The following GRM5 variants were observed in gnomAD, a reference collection of about 807,000 sequenced individuals.
The protein encoded by GRM5 is glutamate metabotropic receptor 5.
Under a neutral mutation model 83.1 loss-of-function variants are expected in GRM5, and 19 were observed. That is an observed-to-expected ratio of 0.23 (90% confidence interval 0.16 to 0.34). The LOEUF (loss-of-function observed/expected upper bound fraction) is 0.34. Ranked by LOEUF, GRM5 falls within the 10% of genes least tolerant of loss-of-function variation. The pLI is 1.00. For missense variants in GRM5, 1,160 were observed against 1,588.3 expected (o/e 0.73, Z 4.58); for synonymous variants, 675 against 633.6 (o/e 1.07, Z -0.98).
At chr11:88,732,954 C>T (rs1427828874) in intron 3 of GRM5, among the ~76,000 whole-genome samples, 1 of 151,988 alleles carries the variant, frequency 6.6e-6, no homozygotes, top group Non-Finnish European at 1.5e-5. Context: ...ATGATTTCTT[C>T]AGTGCATTTT....
chr11:88,938,877 T>C (rs899673847), intron 2 of GRM5, among the ~76,000 whole-genome samples: 3 of 151,784 alleles, frequency 2.0e-5, no homozygotes, highest in South Asian at 2.1e-4. Context: ...TCTTTCAAGA[T>C]GGTATCAAAC....
chr11:88,772,948 C>G (rs989011463), intron 3 of GRM5, among the ~76,000 whole-genome samples: 8 of 152,094 alleles, frequency 5.3e-5, no homozygotes, highest in Admixed American at 2.0e-4. Flanking sequence ...GATTTATAAT[C>G]CTTTGGGTAT....
At chr11:88,929,337 A>T (rs1937632962) in intron 2 of GRM5, among the ~76,000 whole-genome samples, 1 of 152,162 alleles carries the variant, frequency 6.6e-6, no homozygotes, top group Non-Finnish European at 1.5e-5. Flanking sequence ...AGATTTAAAC[A>T]ATTAACAACA....
intron 2 of GRM5, among the ~76,000 whole-genome samples, chr11:88,970,300 G>A (rs1212921522): frequency 6.6e-6 from 1 of 152,046 alleles, no homozygotes; most frequent in Non-Finnish European, 1.5e-5. Flanking sequence ...CATAACTTAC[G>A]AAGCTCTGCT....
intron 8 of GRM5, among the ~76,000 whole-genome samples, chr11:88,528,013 C>G (rs1941921005): frequency 6.6e-6 from 1 of 151,942 alleles, no homozygotes; most frequent in Non-Finnish European, 1.5e-5. Flanking sequence ...ATGAAATAAT[C>G]TGCATATTAT....
intron 3 of GRM5, among the ~76,000 whole-genome samples, chr11:88,846,952 A>G (rs1332634168): frequency 6.6e-6 from 1 of 152,182 alleles, no homozygotes; most frequent in African/African-American, 2.4e-5. Context: ...CTATCAAATA[A>G]TAACTTCCCC....
chr11:89,063,145 C>T (rs1416144128), intron 1 of GRM5, among the ~76,000 whole-genome samples: 2 of 152,232 alleles, frequency 1.3e-5, no homozygotes, highest in African/African-American at 2.4e-5. Context: ...CAATTCCGAG[C>T]CCTCGGGTGG....
At chr11:88,986,230 A>C (rs1183093517) in intron 2 of GRM5, among the ~76,000 whole-genome samples, 1 of 152,182 alleles carries the variant, frequency 6.6e-6, no homozygotes, top group East Asian at 1.9e-4. Flanking sequence ...GAGTTATGCT[A>C]AGTGAAAAAG....
At chr11:88,809,176 G>A (rs1003600711) in intron 3 of GRM5, among the ~76,000 whole-genome samples, 1 of 152,018 alleles carries the variant, frequency 6.6e-6, no homozygotes, top group Non-Finnish European at 1.5e-5. Context: ...TTATAAGGGA[G>A]GAATTAATTG....
At chr11:89,016,210 C>T (rs1940850444) in intron 2 of GRM5, among the ~76,000 whole-genome samples, 1 of 149,180 alleles carries the variant, frequency 6.7e-6, no homozygotes, top group Non-Finnish European at 1.5e-5. Context: ...ATGTATTATA[C>T]ATATATTTAT....
At chr11:89,057,814 T>C (rs1262356490) in intron 1 of GRM5, among the ~76,000 whole-genome samples, 2 of 152,162 alleles carry the variant, frequency 1.3e-5, no homozygotes, top group South Asian at 4.1e-4. Flanking sequence ...TATAACATGA[T>C]CTCCACTTAC....
At chr11:89,041,304 G>A (rs551836440) in intron 2 of GRM5, among the ~76,000 whole-genome samples, 7 of 152,286 alleles carry the variant, frequency 4.6e-5, no homozygotes, top group African/African-American at 7.2e-5. Context: ...AGTGAAATCC[G>A]CTGAAAACAA....
At chr11:88,576,240 T>G (rs1943107604) in intron 7 of GRM5, among the ~76,000 whole-genome samples, 1 of 152,176 alleles carries the variant, frequency 6.6e-6, no homozygotes, top group South Asian at 2.1e-4. Flanking sequence ...CCTTGATGAG[T>G]ATGACTTTTC....
Position 88,509,337 on chromosome 11 carries a change from G to A in GRM5, c.2894C>T (p.Ala965Val). Reference sequence around the variant, plus strand: ...GCCCCCAGCGCTCCCGCCTGCGCCAGCGCCAGCGCCCAGGCCACGGCTCTC... The same window carrying A: ...GCCCCCAGCGCTCCCGCCTGCGCCAACGCCAGCGCCCAGGCCACGGCTCTC... The part of the protein sequence containing the change: ...STESRGLGAG[A>V]GAGGSAGGVG... The change falls in exon 10 of 10, where the codon GCT becomes GTT. Residue 965 changes from alanine (A) to valine (V), a missense_variant. This residue lies in a region of GRM5 where 562 missense variants were observed against 532.4 expected (regional missense o/e 1.06). Transcript: ENST00000305447. The A allele has an allele frequency of 6.2e-7, 1 of 1,602,538 alleles. No homozygotes were observed.
At chr11:89,058,370 A>G (rs1318508324) in intron 1 of GRM5, among the ~76,000 whole-genome samples, 1 of 152,288 alleles carries the variant, frequency 6.6e-6, no homozygotes, top group Non-Finnish European at 1.5e-5. Context: ...TCACTAGACG[A>G]CAATGCCATC....
intron 2 of GRM5, among the ~76,000 whole-genome samples, chr11:89,020,896 G>A (rs1940967053): frequency 6.6e-6 from 1 of 152,166 alleles, no homozygotes; most frequent in Admixed American, 6.5e-5. Flanking sequence ...AACTGGCTTA[G>A]TGAGATTAGT....
At chr11:88,609,551 T>C (rs183986858) in intron 4 of GRM5, among the ~76,000 whole-genome samples, 8 of 152,310 alleles carry the variant, frequency 5.3e-5, no homozygotes, top group African/African-American at 1.9e-4. Flanking sequence ...GATTCATGTC[T>C]GTTCATATTA....
intron 3 of GRM5, among the ~76,000 whole-genome samples, chr11:88,657,511 C>A: frequency 6.6e-6 from 1 of 152,148 alleles, no homozygotes; most frequent in Non-Finnish European, 1.5e-5. Flanking sequence ...ATATTCCCTG[C>A]AGACATCTTA....
intron 3 of GRM5, among the ~76,000 whole-genome samples, chr11:88,718,408 G>C (rs1941447093): frequency 6.6e-6 from 1 of 151,864 alleles, no homozygotes; most frequent in African/African-American, 2.4e-5. Context: ...AAAGTGATTA[G>C]ATGATCCAGG....
Sources: gnomAD v4.1 joint callset for allele counts (sites outside exome capture counted in the v4.1 genomes callset) on GRCh38, gnomAD v4.1.1 for gene constraint, gnomAD v4.1.1 regional missense constraint, MANE v1.5 for transcripts, NCBI Gene and HGNC (gene_info 2026-07-23, HGNC 2026-07-21) for gene names.